BLTP3B: variants seen among roughly 807,000 people sequenced by gnomAD.
The protein encoded by BLTP3B is bridge-like lipid transfer protein family member 3B.
chr12:100,040,793 T>C, the BLTP3B span, among the ~76,000 whole-genome samples: 4 of 152,154 alleles, frequency 2.6e-5, no homozygotes, highest in African/African-American at 4.8e-5. Flanking sequence ...ACAATGTCAA[T>C]AGACCTATAG....
the BLTP3B span, chr12:100,070,120 G>C: frequency 3.9e-6 from 6 of 1,537,070 alleles, no homozygotes; most frequent in Non-Finnish European, 5.3e-6. Flanking sequence ...ATGCAGAGCA[G>C]ATGTCTTCCT....
At chr12:100,135,865 T>C in the BLTP3B span, among the ~76,000 whole-genome samples, 3 of 152,318 alleles carry the variant, frequency 2.0e-5, no homozygotes, top group Admixed American at 6.5e-5. Context: ...TTATTTTAAA[T>C]AAGCAACTAG....
the BLTP3B span, among the ~76,000 whole-genome samples, chr12:100,120,393 T>C: frequency 6.6e-6 from 1 of 151,212 alleles, no homozygotes; most frequent in Non-Finnish European, 1.5e-5. Flanking sequence ...AAAATAAAAA[T>C]AAAAAATAAA....
At chr12:100,047,616 GTAC>G in the BLTP3B span, 1 of 1,611,746 alleles carries the variant, frequency 6.2e-7, no homozygotes, top group Non-Finnish European at 8.5e-7. Context: ...AAGGGATACT[GTAC>G]TACTCCGGGG....
chr12:100,095,760 C>T, the BLTP3B span: 1 of 1,613,616 alleles, frequency 6.2e-7, no homozygotes, highest in Non-Finnish European at 8.5e-7. Flanking sequence ...TAGCTTTCAA[C>T]TGGGAATCAG....
chr12:100,057,084 A>C, the BLTP3B span, among the ~76,000 whole-genome samples: 1 of 152,246 alleles, frequency 6.6e-6, no homozygotes, highest in Admixed American at 6.5e-5. Context: ...TATATGTGAA[A>C]GAATCCTAAT....
chr12:100,132,669 G>T, the BLTP3B span, among the ~76,000 whole-genome samples: 1 of 152,142 alleles, frequency 6.6e-6, no homozygotes. Context: ...TTTTTTGGCC[G>T]GGTGTGGTGA....
At chr12:100,042,003 A>G in the BLTP3B span, among the ~76,000 whole-genome samples, 1 of 152,368 alleles carries the variant, frequency 6.6e-6, no homozygotes, top group African/African-American at 2.4e-5. Flanking sequence ...GAAAGAAAAC[A>G]ATTCGATTTA....
At chr12:100,056,151 T>C in the BLTP3B span, among the ~76,000 whole-genome samples, 4 of 152,280 alleles carry the variant, frequency 2.6e-5, no homozygotes, top group East Asian at 7.7e-4. Flanking sequence ...TACTAAGAGG[T>C]AGGGCTTTTA....
At chr12:100,103,778 C>T in the BLTP3B span, 15,908 of 675,694 alleles carry the variant, frequency 0.024, 479 homozygotes, top group African/African-American at 0.12. Context: ...AACCTGAGTC[C>T]TATCAAAATA....
chr12:100,051,188 C>A, the BLTP3B span: 3 of 1,611,494 alleles, frequency 1.9e-6, no homozygotes, highest in Non-Finnish European at 2.5e-6. Flanking sequence ...TTCTGCTGTG[C>A]CCCTGTAATT....
the BLTP3B span, among the ~76,000 whole-genome samples, chr12:100,044,864 C>CA: frequency 5.3e-5 from 8 of 152,114 alleles, no homozygotes; most frequent in African/African-American, 1.9e-4. Flanking sequence ...CATCTCAGCC[C>CA]AAAATCTCCT....
At chr12:100,102,907 A>G in the BLTP3B span, 1 of 1,078,902 alleles carries the variant, frequency 9.3e-7, no homozygotes, top group South Asian at 1.7e-5. Context: ...TTCTACGTAT[A>G]TTATTAAAGT....
At chr12:100,098,991 A>AC in the BLTP3B span, among the ~76,000 whole-genome samples, 1 of 126,560 alleles carries the variant, frequency 7.9e-6, no homozygotes, top group Non-Finnish European at 1.6e-5. Flanking sequence ...GCACGTCACC[A>AC]TTTTATTATT....
At chr12:100,058,005 A>G in the BLTP3B span, 1 of 1,535,558 alleles carries the variant, frequency 6.5e-7, no homozygotes, top group South Asian at 1.3e-5. Context: ...TTAATTTTTA[A>G]AAAGGCCAAT....
the BLTP3B span, among the ~76,000 whole-genome samples, chr12:100,087,717 T>C: frequency 6.6e-6 from 1 of 152,234 alleles, no homozygotes; most frequent in Non-Finnish European, 1.5e-5. Context: ...ATTACAGACC[T>C]GTACTATTAA....
At chr12:100,110,531 C>T in the BLTP3B span, among the ~76,000 whole-genome samples, 1 of 152,086 alleles carries the variant, frequency 6.6e-6, no homozygotes, top group Non-Finnish European at 1.5e-5. Flanking sequence ...ATTATGCAGA[C>T]ACACATACTG....
At chr12:100,055,579 A>G in the BLTP3B span, among the ~76,000 whole-genome samples, 1 of 150,382 alleles carries the variant, frequency 6.6e-6, no homozygotes, top group Middle Eastern at 3.5e-3. Flanking sequence ...CGGGAGGCTG[A>G]GGCAGGATAA....
chr12:100,138,444 A>G, the BLTP3B span, among the ~76,000 whole-genome samples: 6 of 152,252 alleles, frequency 3.9e-5, no homozygotes, highest in African/African-American at 1.4e-4. Flanking sequence ...ACATTTGGGC[A>G]AATAATTATT....
Sources: allele counts gnomAD v4.1 joint callset (sites outside exome capture counted in the v4.1 genomes callset), GRCh38; gene constraint gnomAD v4.1.1; transcripts MANE v1.5; gene names NCBI Gene and HGNC (gene_info 2026-07-23, HGNC 2026-07-21).